The following ARMCX4 variants were observed in gnomAD, a reference collection of about 807,000 sequenced individuals.
ARMCX4 encodes armadillo repeat-containing X-linked protein 4.
A neutral mutation model predicts 34.7 loss-of-function variants in ARMCX4; 3 were observed. That is an observed-to-expected ratio of 0.09 (90% CI 0.04 to 0.22). ARMCX4 has a LOEUF of 0.22. Among genes scored for constraint, ARMCX4 ranks in the 10% least tolerant of loss-of-function variants. ARMCX4 has a pLI of 1.00. For synonymous variants in ARMCX4, 513 were observed against 632.8 expected (o/e 0.81, Z 2.84); for missense variants, 1,448 against 1,720.8 (o/e 0.84, Z 2.81).
At chrX:101,482,884 G>A (rs1386028365), upstream of ARMCX4, among the ~76,000 whole-genome samples, 1 of 97,417 alleles carries the variant, frequency 1.0e-5, no homozygotes, top group Non-Finnish European at 2.0e-5. Flanking sequence ...TTTATGTTGC[G>A]TCAGGCTTTT....
chrX:101,458,719 T>G (rs1384650795), intron 4 of ARMCX4, among the ~76,000 whole-genome samples: 2 of 111,120 alleles, frequency 1.8e-5, no homozygotes, highest in African/African-American at 3.3e-5. Flanking sequence ...ACTCCTGAAC[T>G]CAGGTGATCT....
chrX:101,473,309 A>C (rs1432462156), intron 4 of ARMCX4, among the ~76,000 whole-genome samples: 1 of 111,081 alleles, frequency 9.0e-6, no homozygotes, highest in Non-Finnish European at 1.9e-5. Flanking sequence ...TACATAAAGC[A>C]AGTCCTGAGT....
intron 2 of ARMCX4, among the ~76,000 whole-genome samples, chrX:101,442,016 G>C (rs1217526736): frequency 2.7e-5 from 3 of 111,910 alleles, no homozygotes; most frequent in Admixed American, 9.5e-5. Context: ...CATGGATTCC[G>C]TTATCCACCC....
intron 4 of ARMCX4, among the ~76,000 whole-genome samples, chrX:101,454,578 G>A (rs923030509): frequency 9.1e-6 from 1 of 109,872 alleles, no homozygotes; most frequent in Non-Finnish European, 1.9e-5. Flanking sequence ...GAGCCACTGC[G>A]CCTGGCTCAT....
intron 4 of ARMCX4, among the ~76,000 whole-genome samples, chrX:101,478,193 T>C (rs924930107): frequency 1.4e-4 from 16 of 111,935 alleles, no homozygotes; most frequent in African/African-American, 3.9e-4. Flanking sequence ...AAAGGAAAAA[T>C]ATTAAACTGT....
At chrX:101,521,629 G>A (rs1934856346) in intron 11 of ARMCX4, among the ~76,000 whole-genome samples, 1 of 109,935 alleles carries the variant, frequency 9.1e-6, no homozygotes, top group African/African-American at 3.3e-5. Flanking sequence ...CTTTAGGTTA[G>A]GTTCTTGATT....
intron 4 of ARMCX4, among the ~76,000 whole-genome samples, chrX:101,467,456 C>A (rs1932811851): frequency 8.9e-6 from 1 of 112,165 alleles, no homozygotes; most frequent in East Asian, 2.8e-4. Flanking sequence ...TGGCCAAAAC[C>A]TATGAATTTA....
At chrX:101,433,187 C>T (rs143016820) in intron 2 of ARMCX4, among the ~76,000 whole-genome samples, 55 of 30,158 alleles carry the variant, frequency 1.8e-3, no homozygotes, top group Non-Finnish European at 3.5e-3. Context: ...TATACACGCA[C>T]ACATACACAT....
At chrX:101,469,830 A>AG (rs2147622233) in intron 4 of ARMCX4, among the ~76,000 whole-genome samples, 1 of 111,529 alleles carries the variant, frequency 9.0e-6, no homozygotes, top group African/African-American at 3.3e-5. Context: ...TCCATAAGAC[A>AG]TGCCCACCCA....
At chrX:101,436,731 A>G (rs1397211916) in intron 2 of ARMCX4, among the ~76,000 whole-genome samples, 1 of 111,729 alleles carries the variant, frequency 9.0e-6, no homozygotes. Context: ...CCAGTTTTCA[A>G]AGGGAATGCT....
chrX:101,477,162 G>A (rs1556004485), intron 4 of ARMCX4, among the ~76,000 whole-genome samples: 1 of 109,979 alleles, frequency 9.1e-6, no homozygotes, highest in African/African-American at 3.3e-5. Flanking sequence ...ACTTCAGGCC[G>A]GGCATGGTGG....
intron 11 of ARMCX4, among the ~76,000 whole-genome samples, chrX:101,515,451 C>CTTCCTTCT (rs2147708458): frequency 1.8e-5 from 1 of 56,047 alleles, no homozygotes; most frequent in African/African-American, 7.5e-5. Flanking sequence ...TCCTTCCTTC[C>CTTCCTTCT]TTCCTTCCTT....
At chrX:101,502,048 G>C (rs189862603) in intron 7 of ARMCX4, among the ~76,000 whole-genome samples, 2 of 112,290 alleles carry the variant, frequency 1.8e-5, no homozygotes, top group African/African-American at 6.5e-5. Context: ...GTGGAGCAAA[G>C]CCATGTCATA....
chrX:101,419,157 G>A (rs781859344), intron 2 of ARMCX4: 1 of 106,798 alleles, frequency 9.4e-6, no homozygotes, highest in African/African-American at 3.4e-5. Context: ...AAATGTTTTT[G>A]AGAAAATAAT....
At chrX:101,486,346 A>ATAT (rs1162818481) in intron 2 of ARMCX4, among the ~76,000 whole-genome samples, 10 of 110,905 alleles carry the variant, frequency 9.0e-5, no homozygotes, top group Admixed American at 2.9e-4. Context: ...ATATTAAAGA[A>ATAT]TATTATTATT....
intron 7 of ARMCX4, among the ~76,000 whole-genome samples, chrX:101,501,392 G>A (rs1233744487): frequency 8.9e-6 from 1 of 112,740 alleles, no homozygotes; most frequent in Non-Finnish European, 1.9e-5. Context: ...GCAAGCTGAC[G>A]GTAAAAGAAG....
intron 11 of ARMCX4, among the ~76,000 whole-genome samples, chrX:101,529,047 C>G (rs898451768): frequency 1.8e-5 from 2 of 111,281 alleles, no homozygotes; most frequent in East Asian, 5.6e-4. Flanking sequence ...TCAAAAAGAA[C>G]AAAGCTGGAG....
intron 10 of ARMCX4, among the ~76,000 whole-genome samples, chrX:101,510,424 G>A (rs1358137326): frequency 1.8e-5 from 2 of 112,019 alleles, no homozygotes; most frequent in Non-Finnish European, 3.8e-5. Context: ...CATTGCTTCA[G>A]TAAATAATCT....
intron 4 of ARMCX4, among the ~76,000 whole-genome samples, chrX:101,464,165 G>A (rs2147611952): frequency 9.1e-6 from 1 of 109,881 alleles, no homozygotes; most frequent in African/African-American, 3.3e-5. Flanking sequence ...CTGAGGTCAG[G>A]AGTTCGAGAC....
Sources: gnomAD v4.1 joint callset for allele counts (sites outside exome capture counted in the v4.1 genomes callset) on GRCh38, gnomAD v4.1.1 for gene constraint, MANE v1.5 for transcripts, NCBI Gene and HGNC (gene_info 2026-07-23, HGNC 2026-07-21) for gene names.